Variants in PGBD2 observed in about 807,000 individuals in gnomAD.
The protein encoded by PGBD2 is piggyBac transposable element derived 2.
Under a neutral mutation model 8.1 loss-of-function variants are expected in PGBD2, and 6 were observed. The ratio of observed to expected loss-of-function variants is 0.74; its 90% CI spans 0.40 to 1.46. The LOEUF is 1.46. PGBD2 is among the 40% of genes most tolerant of loss of function. The pLI is 0.02. For synonymous variants in PGBD2, 318 were observed against 272.2 expected (o/e 1.17, Z -1.66); for missense variants, 802 against 739.0 (o/e 1.09, Z -0.99).
the PGBD2 span, among the ~76,000 whole-genome samples, chr1:248,899,447 T>A: frequency 6.6e-6 from 1 of 152,012 alleles, no homozygotes; most frequent in African/African-American, 2.4e-5. Flanking sequence ...AGAAACTCAC[T>A]CAAAACCACA....
chr1:248,876,881 T>G, the PGBD2 span, among the ~76,000 whole-genome samples: 3 of 152,182 alleles, frequency 2.0e-5, no homozygotes, highest in African/African-American at 7.2e-5. Flanking sequence ...ATAGTCATGT[T>G]TTTTGGTTCT....
chr1:248,889,379 C>A, the PGBD2 span, among the ~76,000 whole-genome samples: 1 of 151,870 alleles, frequency 6.6e-6, no homozygotes, highest in African/African-American at 2.4e-5. Flanking sequence ...AGCGAGACTT[C>A]TCCGTCTCAA....
the PGBD2 span, among the ~76,000 whole-genome samples, chr1:248,894,664 T>C: frequency 6.6e-6 from 1 of 151,174 alleles, no homozygotes; most frequent in Non-Finnish European, 1.5e-5. Flanking sequence ...TTCTTTTTTC[T>C]TCTTTTTCCC....
chr1:248,897,794 A>G, the PGBD2 span, among the ~76,000 whole-genome samples: 1,593 of 139,568 alleles, frequency 0.011, 91 homozygotes, highest in Admixed American at 0.1. Flanking sequence ...AGAAATCCCC[A>G]TGGGCCAGTG....
the PGBD2 span, among the ~76,000 whole-genome samples, chr1:248,924,950 A>C: frequency 6.6e-6 from 1 of 152,228 alleles, no homozygotes; most frequent in Non-Finnish European, 1.5e-5. Flanking sequence ...TGACTATAAA[A>C]AAAGTGAAAG....
downstream of PGBD2, among the ~76,000 whole-genome samples, chr1:248,920,811 T>G (rs1662269295): frequency 6.6e-6 from 1 of 152,202 alleles, no homozygotes; most frequent in Non-Finnish European, 1.5e-5. Flanking sequence ...ATCTGTTGTT[T>G]CCTGACTTGT....
chr1:248,929,378 C>T, the PGBD2 span, among the ~76,000 whole-genome samples: 10 of 152,290 alleles, frequency 6.6e-5, no homozygotes, highest in Non-Finnish European at 4.4e-5. Flanking sequence ...CACATTCAAA[C>T]GTATCCAGCC....
the PGBD2 span, among the ~76,000 whole-genome samples, chr1:248,893,747 C>T: frequency 6.6e-6 from 1 of 152,188 alleles, no homozygotes; most frequent in East Asian, 1.9e-4. Context: ...CTTTTGGCTA[C>T]ATACCCACAA....
chr1:248,880,148 A>G, the PGBD2 span, among the ~76,000 whole-genome samples: 2 of 152,162 alleles, frequency 1.3e-5, no homozygotes, highest in African/African-American at 4.8e-5. Flanking sequence ...TCTTGTCTTC[A>G]GAATACATTC....
chr1:248,878,884 T>C, the PGBD2 span, among the ~76,000 whole-genome samples: 2 of 152,246 alleles, frequency 1.3e-5, no homozygotes, highest in African/African-American at 4.8e-5. Context: ...ACTGTTGTTA[T>C]GGCATATTTT....
chr1:248,888,226 C>T, the PGBD2 span, among the ~76,000 whole-genome samples: 3 of 152,086 alleles, frequency 2.0e-5, no homozygotes, highest in South Asian at 6.2e-4. Context: ...AACTTATGAG[C>T]GCAGGTGTCT....
intron 2 of PGBD2, chr1:248,914,630 G>GT: frequency 7.8e-7 from 1 of 1,280,538 alleles, no homozygotes; most frequent in Non-Finnish European, 1.0e-6. Context: ...TCACGTAGAG[G>GT]TTGGGGCCTG....
At position 248,917,836 on chromosome 1, in the gene PGBD2, G is replaced by A. The variant is rs1185355500; in HGVS notation, c.1252G>A (p.Val418Met). 14 of 1,614,202 alleles carry A rather than the reference G, an allele frequency of 8.7e-6. No homozygotes were observed. The highest frequency in any genetic ancestry group is 1.1e-5 in the Non-Finnish European group (13 of 1,180,038). Residue 418 changes from valine to methionine, a missense_variant, in exon 3 of 3, where the codon GTG (valine) becomes ATG (methionine). Coordinates refer to ENST00000329291, the MANE Select transcript of PGBD2 (RefSeq NM_170725.3). ...CGTGTGCCGCTGGCACGATAGCAGC[G>A]TGGTCAACATTTGCTCCAATGCTGT... ...IIVCRWHDSSVVNICSNAVGI... is the reference protein window; with the variant it reads ...IIVCRWHDSSMVNICSNAVGI...
chr1:248,880,994 C>A, the PGBD2 span, among the ~76,000 whole-genome samples: 1 of 152,024 alleles, frequency 6.6e-6, no homozygotes, highest in East Asian at 1.9e-4. Context: ...ATGTGTCTCC[C>A]ACCAGGTTAC....
At chr1:248,920,496 C>G (rs1286435293), downstream of PGBD2, among the ~76,000 whole-genome samples, 1 of 152,138 alleles carries the variant, frequency 6.6e-6, no homozygotes, top group Non-Finnish European at 1.5e-5. Context: ...TTTATGGCTG[C>G]ATAGTATTCC....
chr1:248,883,459 TTGA>T, the PGBD2 span, among the ~76,000 whole-genome samples: 1 of 152,112 alleles, frequency 6.6e-6, no homozygotes, highest in African/African-American at 2.4e-5. Flanking sequence ...TGTTTTTTGC[TTGA>T]TGATTTGTTT....
chr1:248,902,773 C>A (rs1055174889), upstream of PGBD2, among the ~76,000 whole-genome samples: 17 of 152,044 alleles, frequency 1.1e-4, no homozygotes, highest in African/African-American at 4.1e-4. Context: ...CACATGTTCT[C>A]ACTTATAAGT....
chr1:248,916,780 C>T lies in PGBD2; in HGVS notation c.196C>T (p.Arg66Ter), dbSNP rs754725497. ...GGACTCAGGGGATGAAGACAGCCAG[C>T]GAGGTGCTCACCTACCTGGCAGTGT... Reference protein sequence around the residue: ...DEDSGDEDSQRGAHLPGSVLH... With the variant: ...DEDSGDEDSQ The change falls in exon 3 of 3, where the codon CGA becomes TGA. Residue 66 changes from arginine to a stop codon, truncating the protein, a stop_gained. Transcript: ENST00000329291. LOFTEE classifies it low-confidence loss of function (END_TRUNC). The T allele has an allele frequency of 2.9e-5, 46 of 1,614,020 alleles. No individual in the cohort carries two copies. Among genetic ancestry groups the T allele is most frequent in the Non-Finnish European group, 3.8e-5 (45 of 1,180,020 alleles).
chr1:248,918,403 T>C lies in PGBD2; in HGVS notation c.*40T>C. ...CTTCTTTGGTTTATAATGAGATGTT[T>C]ACAGTTAAATACAGATGGCAGTTGA... On this transcript the variant is annotated 3_prime_UTR_variant, in exon 3 of 3. Transcript: ENST00000329291. 2.0e-6 allele frequency: 3 copies of C among 1,500,446 alleles called. No individual in the cohort carries two copies. Among genetic ancestry groups the C allele is most frequent in the Admixed American group, 2.4e-5 (1 of 42,404 alleles). The allele number at this position is 1,500,446 out of a possible 1,614,324, so 92.9% of individuals were successfully genotyped here. A position where few individuals can be genotyped will look rare whatever the true frequency, so the allele number is the denominator to read the frequency against.
Sources: allele counts gnomAD v4.1 joint callset (sites outside exome capture counted in the v4.1 genomes callset), GRCh38; gene constraint gnomAD v4.1.1; transcripts MANE v1.5; gene names NCBI Gene and HGNC (gene_info 2026-07-23, HGNC 2026-07-21).